Variants in SIPA1L2 observed in about 807,000 individuals in gnomAD.
SIPA1L2 encodes the protein signal-induced proliferation-associated 1-like protein 2.
Under a neutral mutation model 163.9 loss-of-function variants are expected in SIPA1L2, and 56 were observed. That is an observed-to-expected ratio of 0.34 (90% CI 0.28 to 0.43). SIPA1L2 has a LOEUF of 0.43. SIPA1L2 is among the 20% of genes least tolerant of loss of function. SIPA1L2 has a pLI of 1.00. For synonymous variants in SIPA1L2, 877 were observed against 865.7 expected, an observed-to-expected ratio of 1.01 and a Z score of -0.23; for missense variants, 1,974 against 2,193.5, an observed-to-expected ratio of 0.90 and a Z score of 2.00.
chr1:232,599,274 GC>G (rs1193240347), intron 1 of SIPA1L2, among the ~76,000 whole-genome samples: 1 of 152,162 alleles, frequency 6.6e-6, no homozygotes, highest in Non-Finnish European at 1.5e-5. Flanking sequence ...CACCCACTCT[GC>G]CTAGGCCAAT....
rs574172047 is a variant in SIPA1L2, at chr1:232,608,769, T to C, written c.-319+21100A>G. 1.6e-4 allele frequency among the ~76,000 whole-genome samples: 25 copies of C among 151,938 alleles called. No individual in the cohort carries two copies. The South Asian group carries it at 5.0e-3, about 30-fold the overall frequency. On this transcript the variant is annotated intron_variant, in intron 1 of 22. Coordinates refer to ENST00000674635, the MANE Select transcript of SIPA1L2 (RefSeq NM_020808.5). ...AAGGTAGAGGCACATGGGCGAGAAA[T>C]ACACCACAGAGGAAACCACATACAG...
At chr1:232,496,394 G>A (rs1189398436) in intron 3 of SIPA1L2, among the ~76,000 whole-genome samples, 1 of 152,122 alleles carries the variant, frequency 6.6e-6, no homozygotes, top group Non-Finnish European at 1.5e-5. Context: ...TGATGAAATT[G>A]CCTAAGGATA....
In SIPA1L2 at chr1:232,479,619, G is replaced by C; in HGVS notation, c.2085+8C>G. Reference sequence around the variant, plus strand: ...AGCGTAAAAAGCTCCAGGCTGGGGAGGACATACCTGTTGTCTGTTGTTGGG... The same window carrying C: ...AGCGTAAAAAGCTCCAGGCTGGGGACGACATACCTGTTGTCTGTTGTTGGG... On this transcript the variant is annotated splice_region_variant and intron_variant, in intron 7 of 22. Transcript: ENST00000674635. 11 of 1,609,904 alleles carry C rather than the reference G, an allele frequency of 6.8e-6. No homozygotes were observed. The highest frequency in any genetic ancestry group is 8.5e-6 in the Non-Finnish European group (10 of 1,176,410).
At chr1:232,576,298 A>G (rs1045470275) in intron 1 of SIPA1L2, among the ~76,000 whole-genome samples, 1 of 152,230 alleles carries the variant, frequency 6.6e-6, no homozygotes, top group Non-Finnish European at 1.5e-5. Flanking sequence ...TTTCTGTGTC[A>G]CACTGTGATT....
intron 2 of SIPA1L2, among the ~76,000 whole-genome samples, chr1:232,547,899 C>T (rs1273411270): frequency 6.6e-6 from 1 of 152,082 alleles, no homozygotes; most frequent in Non-Finnish European, 1.5e-5. Context: ...ACTGTGAATG[C>T]AGTGACAAAG....
At chr1:232,478,915 T>C (rs1320941197) in intron 7 of SIPA1L2, among the ~76,000 whole-genome samples, 1 of 152,230 alleles carries the variant, frequency 6.6e-6, no homozygotes, top group Non-Finnish European at 1.5e-5. Flanking sequence ...ATCCCAAACG[T>C]AGGTCCTTTC....
In SIPA1L2 at chr1:232,415,554, G is replaced by C. The variant is rs202124136; in HGVS notation, c.4702C>G (p.Pro1568Ala). The change falls in exon 19 of 23, where the codon CCG becomes GCG. Residue 1568 changes from proline to alanine, a missense_variant. Around this residue, in one of 3 missense-constraint regions of SIPA1L2, gnomAD observed 1,079 missense variants for 1,150.7 expected, o/e 0.94. Transcript: ENST00000674635. The part of the protein sequence containing the change: ...KCADPGLMPL[P>A]DTATGLDWTH... ...CAATCTAACCCTGTGGCTGTGTCCGGGAGGGGCATCAGGCCAGGATCTGCG... is the reference window on the plus strand; with the variant it reads ...CAATCTAACCCTGTGGCTGTGTCCGCGAGGGGCATCAGGCCAGGATCTGCG... 37 of 1,613,870 alleles carry C rather than the reference G, an allele frequency of 2.3e-5. No homozygotes were observed. In the African/African-American group the frequency reaches 3.7e-4, roughly 16 times the overall value.
chr1:232,532,522 T>G (rs1432577184), intron 2 of SIPA1L2, among the ~76,000 whole-genome samples: 1 of 152,210 alleles, frequency 6.6e-6, no homozygotes, highest in Non-Finnish European at 1.5e-5. Context: ...TACTGTAAAC[T>G]CAGCTATATG....
intron 1 of SIPA1L2, among the ~76,000 whole-genome samples, chr1:232,588,206 G>A (rs554854905): frequency 3.9e-5 from 6 of 152,264 alleles, no homozygotes; most frequent in Admixed American, 2.0e-4. Context: ...CCTATGAGGT[G>A]ATGAGCCACT....
rs1407147621 is a variant in SIPA1L2 at position 232,485,674 on chromosome 1, G to A, written c.1807-1708C>T. On this transcript the variant is annotated intron_variant, in intron 5 of 22. Transcript: ENST00000674635. ...CACCAATTATTACACAGATGTTCGT[G>A]ACATCTGTGATTGTTGGAATCTATA... is the stretch of plus-strand genomic sequence containing the variant. 1.3e-5 allele frequency among the ~76,000 whole-genome samples: 2 copies of A among 152,200 alleles called. 1 individual carries two copies. Among genetic ancestry groups the A allele is most frequent in the Non-Finnish European group, 2.9e-5 (2 of 68,030 alleles).
intron 1 of SIPA1L2, among the ~76,000 whole-genome samples, chr1:232,608,433 C>T (rs953108033): frequency 1.2e-4 from 19 of 152,136 alleles, no homozygotes; most frequent in Non-Finnish European, 2.4e-4. Context: ...TGAGGGACTG[C>T]TGCAGAGGAA....
chr1:232,446,725 G>A (rs925646407), intron 10 of SIPA1L2, among the ~76,000 whole-genome samples: 2 of 152,202 alleles, frequency 1.3e-5, no homozygotes, highest in East Asian at 3.9e-4. Flanking sequence ...TACAAACTTT[G>A]TATGAGATTT....
At chr1:232,462,524 C>T in intron 9 of SIPA1L2, 1 of 490,832 alleles carries the variant, frequency 2.0e-6, no homozygotes, top group Middle Eastern at 5.7e-4. Context: ...ACAGGCATGA[C>T]AGTTCACGAC....
At chr1:232,559,952 A>G (rs1319435527) in intron 2 of SIPA1L2, among the ~76,000 whole-genome samples, 4 of 152,182 alleles carry the variant, frequency 2.6e-5, no homozygotes, top group Non-Finnish European at 5.9e-5. Flanking sequence ...AATAATACCT[A>G]CCCATCAGCA....
At chr1:232,480,985 C>T (rs1207208817) in intron 6 of SIPA1L2, among the ~76,000 whole-genome samples, 1 of 152,030 alleles carries the variant, frequency 6.6e-6, no homozygotes, top group East Asian at 1.9e-4. Flanking sequence ...TTCTTAGATG[C>T]TCCAAAAGAC....
intron 10 of SIPA1L2, among the ~76,000 whole-genome samples, chr1:232,456,257 A>C (rs1558191133): frequency 6.6e-6 from 1 of 152,172 alleles, no homozygotes; most frequent in Non-Finnish European, 1.5e-5. Flanking sequence ...AAAAATAAAA[A>C]CTGTTAAACT....
Position 232,398,829 on chromosome 1 carries a change from C to A in SIPA1L2, c.*298G>T. On this transcript the variant is annotated 3_prime_UTR_variant, in exon 23 of 23. Transcript: ENST00000674635. ...ACTATCTTCCCTCTTGAGGTAAGCC[C>A]AAGCCAGAGCACTGTTTTAGCAGAG... 3.4e-6 allele frequency: 1 copy of A among 292,814 alleles called. No individual in the cohort carries two copies. The highest frequency in any genetic ancestry group is 6.4e-5 in the South Asian group (1 of 15,698). The allele number at this position is 292,814 out of a possible 1,614,324, so 18.1% of individuals were successfully genotyped here.
At chr1:232,440,559 C>T (rs1329220057) in intron 14 of SIPA1L2, among the ~76,000 whole-genome samples, 1 of 152,170 alleles carries the variant, frequency 6.6e-6, no homozygotes, top group East Asian at 1.9e-4. Flanking sequence ...GAAGAAATGT[C>T]ACATGTGTTT....
intron 2 of SIPA1L2, among the ~76,000 whole-genome samples, chr1:232,569,571 G>C (rs1659599349): frequency 6.6e-6 from 1 of 152,216 alleles, no homozygotes; most frequent in South Asian, 2.1e-4. Context: ...CCAGCACTTT[G>C]GGAGGCTGAG....
Sources: gnomAD v4.1 joint callset for allele counts (sites outside exome capture counted in the v4.1 genomes callset) on GRCh38, gnomAD v4.1.1 for gene constraint, gnomAD v4.1.1 regional missense constraint, MANE v1.5 for transcripts, NCBI Gene and HGNC (gene_info 2026-07-23, HGNC 2026-07-21) for gene names.